KSR1: variants seen among roughly 807,000 people sequenced by gnomAD.
KSR1 encodes the protein kinase suppressor of ras.
A neutral mutation model predicts 92.9 loss-of-function variants in KSR1; 35 were observed. That is an observed-to-expected ratio of 0.38 (90% CI 0.29 to 0.50). KSR1 has a LOEUF of 0.50. Ranked by LOEUF, KSR1 falls within the 20% of genes least tolerant of loss-of-function variation. KSR1 has a pLI of 0.94. For synonymous variants in KSR1, 467 were observed against 472.6 expected (o/e 0.99, Z 0.15); for missense variants, 972 against 1,158.5 (o/e 0.84, Z 2.34).
intron 1 of KSR1, among the ~76,000 whole-genome samples, chr17:27,545,542 C>T (rs935722230): frequency 6.6e-6 from 1 of 152,192 alleles, no homozygotes; most frequent in African/African-American, 2.4e-5. Context: ...AGAGAAAAAG[C>T]AGCCCATGTG....
intron 1 of KSR1, among the ~76,000 whole-genome samples, chr17:27,498,793 G>A (rs1003872248): frequency 6.6e-6 from 1 of 152,174 alleles, no homozygotes. Context: ...TTTAAAATGC[G>A]CCTCAGGTGA....
intron 2 of KSR1, chr17:27,558,136 G>A (rs2071677488): frequency 6.6e-6 from 1 of 152,614 alleles, no homozygotes. Context: ...GTGTTAGAAA[G>A]CAAGCAAAGG....
At chr17:27,596,951 C>G (rs767755569) in intron 9 of KSR1, among the ~76,000 whole-genome samples, 31 of 152,304 alleles carry the variant, frequency 2.0e-4, no homozygotes, top group Admixed American at 3.9e-4. Context: ...ACACGGTGCC[C>G]TGATGAAAAA....
chr17:27,617,373 C>G lies in KSR1; in HGVS notation c.2572C>G (p.Leu858Val), dbSNP rs747894250. 11 of 1,612,854 alleles carry G rather than the reference C, an allele frequency of 6.8e-6. No homozygotes were observed. The South Asian group carries it at 1.1e-4, about 16-fold the overall frequency. ...FSLLMDMLEK[L>V]PKLNRRLSHP... The stretch of plus-strand genomic sequence containing the variant: ...CCTGCTGATGGACATGCTGGAGAAA[C>G]TTCCCAAGCTGAACCGGCGGCTCTC... Residue 858 changes from leucine to valine, a missense_variant, in exon 19 of 21, where the codon CTT (leucine) becomes GTT (valine). Transcript: ENST00000644974.
chr17:27,594,155 C>T (rs2073260794), intron 9 of KSR1, among the ~76,000 whole-genome samples: 1 of 152,178 alleles, frequency 6.6e-6, no homozygotes, highest in Admixed American at 6.5e-5. Flanking sequence ...AGCCACTTGA[C>T]CTCTCTGAGC....
At chr17:27,527,754 T>C (rs1162080826) in intron 1 of KSR1, among the ~76,000 whole-genome samples, 1 of 152,188 alleles carries the variant, frequency 6.6e-6, no homozygotes, top group Non-Finnish European at 1.5e-5. Context: ...AATAATATCT[T>C]GGGCTTTCAC....
chr17:27,606,555 C>T (rs541790461), intron 14 of KSR1, among the ~76,000 whole-genome samples: 7 of 152,310 alleles, frequency 4.6e-5, no homozygotes, highest in South Asian at 4.1e-4. Flanking sequence ...ATCCCCATCA[C>T]GTAGGCTGAA....
intron 1 of KSR1, chr17:27,526,836 G>A: frequency 1.3e-6 from 1 of 754,782 alleles, no homozygotes. Flanking sequence ...TCCTCCGGGG[G>A]GAGGGGTGGA....
intron 14 of KSR1, among the ~76,000 whole-genome samples, chr17:27,607,529 C>T (rs73983666): frequency 6.6e-6 from 1 of 152,122 alleles, no homozygotes; most frequent in East Asian, 1.9e-4. Flanking sequence ...CAGTGAGCCC[C>T]AGAGCCTTGA....
At chr17:27,612,781 T>C (rs2073955568) in intron 18 of KSR1, 1 of 152,274 alleles carries the variant, frequency 6.6e-6, no homozygotes, top group Non-Finnish European at 1.5e-5. Flanking sequence ...CCAGCACTTG[T>C]CCAGGCTAAG....
intron 16 of KSR1, 71 bp from the exon 17 acceptor site, chr17:27,609,996 C>T (rs1598144298): frequency 6.3e-7 from 1 of 1,588,644 alleles, no homozygotes. Flanking sequence ...CTGGGGCAGA[C>T]CTGTGCCAGG....
intron 1 of KSR1, among the ~76,000 whole-genome samples, chr17:27,473,031 A>C (rs922386685): frequency 1.3e-5 from 2 of 152,144 alleles, no homozygotes; most frequent in Non-Finnish European, 2.9e-5. Flanking sequence ...AGCCTCCCAG[A>C]TAGCTGGGAC....
chr17:27,477,045 G>A (rs1471177535), intron 1 of KSR1, among the ~76,000 whole-genome samples: 1 of 152,220 alleles, frequency 6.6e-6, no homozygotes, highest in Non-Finnish European at 1.5e-5. Context: ...GATTATTCAT[G>A]CCTCACCTTT....
intron 1 of KSR1, among the ~76,000 whole-genome samples, chr17:27,529,538 T>TGCTCCTGCCAC (rs1457591667): frequency 2.6e-5 from 4 of 152,262 alleles, no homozygotes; most frequent in African/African-American, 4.8e-5. Flanking sequence ...GCTCCTGCCA[T>TGCTCCTGCCAC]GCTCCTGCCA....
At chr17:27,538,700 A>G (rs1293559349) in intron 1 of KSR1, among the ~76,000 whole-genome samples, 1 of 152,166 alleles carries the variant, frequency 6.6e-6, no homozygotes, top group African/African-American at 2.4e-5. Flanking sequence ...TGGGCAAGGG[A>G]GAAGCTGGGA....
chr17:27,596,168 T>G (rs540531313), intron 9 of KSR1, among the ~76,000 whole-genome samples: 1 of 152,328 alleles, frequency 6.6e-6, no homozygotes, highest in African/African-American at 2.4e-5. Flanking sequence ...CAAGCACAGT[T>G]AAAACCAAAA....
rs576370767 is a variant in KSR1, at chr17:27,604,838, G to T, written c.1614+110G>T. Reference sequence around the variant, plus strand: ...GAGTGGGTTCTGGACTTTGGCAAGGGCTGTCCCAGGCACCCATTGCAGAGG... The same window carrying T: ...GAGTGGGTTCTGGACTTTGGCAAGGTCTGTCCCAGGCACCCATTGCAGAGG... On this transcript the variant is annotated intron_variant, in intron 13 of 20. Transcript: ENST00000644974. The T allele has an allele frequency of 8.6e-6, 9 of 1,043,602 alleles. No individual in the cohort carries two copies. In the African/African-American group the frequency reaches 1.3e-4, roughly 15 times the overall value. The allele number at this position is 1,043,602 out of a possible 1,614,324, so 64.6% of individuals were successfully genotyped here.
Position 27,582,919 on chromosome 17 carries a change from T to G in KSR1, c.794T>G (p.Leu265Arg). The change falls in exon 4 of 21, where the codon CTG becomes CGG. Residue 265 changes from leucine (L) to arginine (R), a missense_variant. Leu to Arg is a moderately radical substitution (Grantham distance 102). Around this residue, in one of 5 missense-constraint regions of KSR1, gnomAD observed 611 missense variants for 668.0 expected, o/e 0.91. Transcript: ENST00000644974. ...AGCGGCCGGCTGACCCCCCGTGCCC[T>G]GCACAGCTTCATCACCCCGCCCACC... is the stretch of plus-strand genomic sequence containing the variant. ...HASGRLTPRA[L>R]HSFITPPTTP... 1 of 1,609,276 alleles carries G rather than the reference T, an allele frequency of 6.2e-7. No individual in the cohort carries two copies. The highest frequency in any genetic ancestry group is 8.5e-7 in the Non-Finnish European group (1 of 1,178,672).
chr17:27,594,971 G>T (rs1162179817), intron 9 of KSR1, among the ~76,000 whole-genome samples: 1 of 152,184 alleles, frequency 6.6e-6, no homozygotes, highest in Non-Finnish European at 1.5e-5. Context: ...ACTGATGGAG[G>T]GTCCTGAGCC....
Sources: allele counts gnomAD v4.1 joint callset (sites outside exome capture counted in the v4.1 genomes callset), GRCh38; gene constraint gnomAD v4.1.1; regional missense constraint gnomAD v4.1.1; transcripts MANE v1.5; gene names NCBI Gene and HGNC (gene_info 2026-07-23, HGNC 2026-07-21).